RPH3A: variants seen among roughly 807,000 people sequenced by gnomAD.
RPH3A encodes rabphilin-3A.
A neutral mutation model predicts 102.2 loss-of-function variants in RPH3A; 48 were observed. The ratio of observed to expected loss-of-function variants is 0.47; its 90% CI spans 0.37 to 0.60. The LOEUF is 0.60. Among genes scored for constraint, RPH3A ranks in the 20% least tolerant of loss-of-function variants. RPH3A has a pLI of 0.00. For missense variants in RPH3A, 781 were observed against 910.1 expected, an observed-to-expected ratio of 0.86 and a Z score of 1.83; for synonymous variants, 310 against 324.3, an observed-to-expected ratio of 0.96 and a Z score of 0.47.
At chr12:112,833,131 C>T (rs760138393) in intron 3 of RPH3A, among the ~76,000 whole-genome samples, 9 of 152,126 alleles carry the variant, frequency 5.9e-5, no homozygotes, top group Non-Finnish European at 1.3e-4. Context: ...CCACCTCGGC[C>T]TCCCAAAGTG....
chr12:112,841,173 T>TAAAAAAAAAAAA (rs11447068), intron 4 of RPH3A, among the ~76,000 whole-genome samples: 3 of 33,370 alleles, frequency 9.0e-5, no homozygotes, highest in African/African-American at 1.4e-4. Context: ...CCTTGTTTCT[T>TAAAAAAAAAAAA]AAAAAAAAAA....
intron 1 of RPH3A, among the ~76,000 whole-genome samples, chr12:112,598,949 T>C (rs1482879870): frequency 6.6e-6 from 1 of 152,210 alleles, no homozygotes; most frequent in Non-Finnish European, 1.5e-5. Flanking sequence ...GACTATGATT[T>C]TTTTAGGTGT....
intron 1 of RPH3A, among the ~76,000 whole-genome samples, chr12:112,614,559 AC>A (rs1371574212): frequency 6.6e-6 from 1 of 150,800 alleles, no homozygotes; most frequent in Non-Finnish European, 1.5e-5. Flanking sequence ...ATGGTGATGC[AC>A]ACCTGTAGTC....
At chr12:112,828,693 A>G (rs1287619840) in intron 3 of RPH3A, among the ~76,000 whole-genome samples, 3 of 152,234 alleles carry the variant, frequency 2.0e-5, no homozygotes, top group Non-Finnish European at 4.4e-5. Context: ...TTACTGTGTG[A>G]TGATAGGCAA....
rs373142969 is a variant in RPH3A, at chr12:112,697,679, A to G, written c.-139-94464A>G. ...CAGGGGTTGGCAACCAGCCTGGCCA[A>G]CATGGTGAAATGCTGTCTCTACTAA... On this transcript the variant is annotated intron_variant, in intron 1 of 21. Transcript: ENST00000543106. Among the ~76,000 whole-genome samples, 11 of 152,302 alleles carry G rather than the reference A, an allele frequency of 7.2e-5. No homozygotes were observed. The East Asian group carries it at 1.2e-3, about 16-fold the overall frequency.
intron 18 of RPH3A, 117 bp downstream of exon 18, chr12:112,890,197 C>A: frequency 1.1e-6 from 1 of 915,274 alleles, no homozygotes; most frequent in South Asian, 1.4e-5. Context: ...AACCACCCCC[C>A]TGTTGATTTG....
chr12:112,683,648 G>A (rs2040242023), intron 1 of RPH3A, among the ~76,000 whole-genome samples: 1 of 152,148 alleles, frequency 6.6e-6, no homozygotes, highest in Non-Finnish European at 1.5e-5. Flanking sequence ...GACTGTGTAG[G>A]ATATGTTTCA....
intron 2 of RPH3A, among the ~76,000 whole-genome samples, chr12:112,804,853 C>T (rs2041426810): frequency 6.6e-6 from 1 of 152,204 alleles, no homozygotes; most frequent in African/African-American, 2.4e-5. Context: ...CCAATACGAA[C>T]TCTTTCTTTC....
intron 1 of RPH3A, among the ~76,000 whole-genome samples, chr12:112,597,135 C>G (rs569902280): frequency 1.3e-5 from 2 of 152,232 alleles, no homozygotes; most frequent in Non-Finnish European, 2.9e-5. Context: ...ACTGTACACA[C>G]CAAACTGACA....
At chr12:112,764,245 C>G (rs1230140633) in intron 1 of RPH3A, among the ~76,000 whole-genome samples, 1 of 152,068 alleles carries the variant, frequency 6.6e-6, no homozygotes, top group Non-Finnish European at 1.5e-5. Context: ...GCTTATGTAC[C>G]AACTTGAGAT....
chr12:112,647,542 C>T (rs572177175), intron 1 of RPH3A, among the ~76,000 whole-genome samples: 1 of 152,040 alleles, frequency 6.6e-6, no homozygotes, highest in African/African-American at 2.4e-5. Flanking sequence ...CTGCAATCAA[C>T]AGAATAAGCC....
rs754889212 is a variant in RPH3A at position 112,865,399 on chromosome 12, T to G, written c.231-15T>G. ...AGTCCTACAAGGTCCTTATTTACCTTGTCTCTGCTTCCAGACGCCTGGTGG... is the reference window on the plus strand; with the variant it reads ...AGTCCTACAAGGTCCTTATTTACCTGGTCTCTGCTTCCAGACGCCTGGTGG... On this transcript the variant is annotated splice_polypyrimidine_tract_variant and intron_variant, in intron 5 of 21. Transcript: ENST00000389385. 3.1e-6 allele frequency: 5 copies of G among 1,613,160 alleles called. No homozygotes were observed. Among genetic ancestry groups the G allele is most frequent in the South Asian group, 2.2e-5 (2 of 90,906 alleles).
At chr12:112,855,983 C>T (rs1265365264) in intron 5 of RPH3A, among the ~76,000 whole-genome samples, 1 of 152,160 alleles carries the variant, frequency 6.6e-6, no homozygotes, top group Non-Finnish European at 1.5e-5. Context: ...TGTACCCACT[C>T]TCCCACTTTG....
intron 1 of RPH3A, among the ~76,000 whole-genome samples, chr12:112,762,830 A>C (rs1288462724): frequency 6.6e-6 from 1 of 152,186 alleles, no homozygotes; most frequent in South Asian, 2.1e-4. Flanking sequence ...TTCCAGAGAG[A>C]GTCTGAGATG....
At chr12:112,848,577 T>A (rs2042270704) in intron 5 of RPH3A, among the ~76,000 whole-genome samples, 1 of 152,110 alleles carries the variant, frequency 6.6e-6, no homozygotes, top group South Asian at 2.1e-4. Context: ...CTTGTAAGTG[T>A]TGGGATGACA....
intron 1 of RPH3A, among the ~76,000 whole-genome samples, chr12:112,593,870 C>T (rs926000160): frequency 1.3e-5 from 2 of 152,188 alleles, no homozygotes; most frequent in Non-Finnish European, 2.9e-5. Flanking sequence ...GGGAAGCCTT[C>T]CTTGATCACT....
intron 10 of RPH3A, chr12:112,874,086 T>C (rs2042753929): frequency 6.6e-6 from 1 of 152,204 alleles, no homozygotes; most frequent in African/African-American, 2.4e-5. Context: ...AAAGCACCTT[T>C]TGTTATGTGT....
At position 112,862,943 on chromosome 12, in the gene RPH3A, A is replaced by G. The variant is rs537130221; in HGVS notation, c.231-2471A>G. ...TCCCATCGGCTCTCCCCTGCCATGT[A>G]TGTACACAGCTGGGACCCAGTCCAT... On this transcript the variant is annotated intron_variant, in intron 5 of 21. Transcript: ENST00000389385. 2.0e-5 allele frequency among the ~76,000 whole-genome samples: 3 copies of G among 152,128 alleles called. No homozygotes were observed. In the East Asian group the frequency reaches 5.8e-4, roughly 30 times the overall value.
intron 1 of RPH3A, among the ~76,000 whole-genome samples, chr12:112,660,539 G>A (rs758057432): frequency 2.0e-5 from 3 of 151,952 alleles, no homozygotes; most frequent in South Asian, 2.1e-4. Flanking sequence ...CTATTTTTTG[G>A]TTGGGTGTGG....
Sources: gnomAD v4.1 joint callset for allele counts (sites outside exome capture counted in the v4.1 genomes callset) on GRCh38, gnomAD v4.1.1 for gene constraint, MANE v1.5 for transcripts, NCBI Gene and HGNC (gene_info 2026-07-23, HGNC 2026-07-21) for gene names.